Variants in VSIR observed in about 807,000 individuals in gnomAD.
The protein encoded by VSIR is V-set immunoregulatory receptor, also known as V-type immunoglobulin domain-containing suppressor of T-cell activation.
Under a neutral mutation model 31.0 loss-of-function variants are expected in VSIR, and 10 were observed. The observed-to-expected ratio is 0.32, with a 90% CI of 0.20 to 0.55. The LOEUF (loss-of-function observed/expected upper bound fraction) is 0.55. VSIR is among the 20% of genes least tolerant of loss of function. The probability of loss-of-function intolerance (pLI) is 0.93; values close to 1 mark genes in which losing one functional copy is unlikely to be tolerated. For missense variants in VSIR, 356 were observed against 416.2 expected (o/e 0.86, Z 1.26); for synonymous variants, 179 against 180.1 (o/e 0.99, Z 0.05).
At chr10:71,766,036 G>A (rs1840535066) in intron 1 of VSIR, among the ~76,000 whole-genome samples, 1 of 152,216 alleles carries the variant, frequency 6.6e-6, no homozygotes, top group African/African-American at 2.4e-5. Flanking sequence ...GGGGAGAGGG[G>A]CAGCGCACAG....
chr10:71,755,762 G>A (rs1347656598), intron 3 of VSIR, among the ~76,000 whole-genome samples: 1 of 152,150 alleles, frequency 6.6e-6, no homozygotes, highest in African/African-American at 2.4e-5. Context: ...AGCCCACAAG[G>A]TACAGCTGGA....
chr10:71,750,845 C>T lies in VSIR; in HGVS notation c.*408G>A, dbSNP rs118014822. 14 of 168,396 alleles carry T rather than the reference C, an allele frequency of 8.3e-5. No homozygotes were observed. The highest frequency in any genetic ancestry group is 3.2e-4 in the East Asian group (2 of 6,226). The allele number at this position is 168,396 out of a possible 1,614,324, so 10.4% of individuals were successfully genotyped here. On this transcript the variant is annotated 3_prime_UTR_variant, in exon 7 of 7. Coordinates refer to ENST00000394957, the MANE Select transcript of VSIR (RefSeq NM_022153.2). ...GGCCACGGGGGAGAAGTCTCTCCAC[C>T]GTGCCCTGTGTCTGGTGCCTGGGAG...
In VSIR at chr10:71,751,259, G is replaced by A. The variant is rs140623686; in HGVS notation, c.930C>T (p.Val310=). The A allele has an allele frequency of 1.2e-4, 188 of 1,609,646 alleles. 1 individual carries two copies. Among genetic ancestry groups the A allele is most frequent in the Non-Finnish European group, 1.6e-4 (186 of 1,177,714 alleles). The change falls in exon 7 of 7, where the codon GTC becomes GTT. Residue 310 remains valine, a synonymous_variant. Coordinates refer to ENST00000394957, the MANE Select transcript of VSIR (RefSeq NM_022153.2). The surrounding 1 kb of genome is among the most constrained non-coding windows in gnomAD (Gnocchi z 4.9). ...CCACTGTCCCCCAGCTGGGCTAGATGACCTCAAAGTTTGGAGAGTCAGGGA... is the reference window on the plus strand; with the variant it reads ...CCACTGTCCCCCAGCTGGGCTAGATAACCTCAAAGTTTGGAGAGTCAGGGA... ...DPVPDSPNFE[V]I is the part of the protein sequence containing the mutation.
At chr10:71,759,377 C>T (rs891819899) in intron 3 of VSIR, among the ~76,000 whole-genome samples, 2 of 151,958 alleles carry the variant, frequency 1.3e-5, no homozygotes, top group African/African-American at 2.4e-5. Context: ...CATGGTGATG[C>T]GTGCCTGTAG....
intron 3 of VSIR, among the ~76,000 whole-genome samples, chr10:71,759,994 C>CAT (rs1304181298): frequency 1.3e-5 from 1 of 75,758 alleles, no homozygotes; most frequent in Admixed American, 1.4e-4. Flanking sequence ...TATATACACA[C>CAT]ACACATACAT....
intron 1 of VSIR, among the ~76,000 whole-genome samples, chr10:71,762,589 AC>A (rs1286354917): frequency 2.0e-5 from 3 of 152,236 alleles, no homozygotes; most frequent in Admixed American, 2.0e-4. Flanking sequence ...CGACAGCAGA[AC>A]CCCATGGCAA....
intron 1 of VSIR, among the ~76,000 whole-genome samples, chr10:71,766,307 G>T (rs2132900347): frequency 6.6e-6 from 1 of 152,298 alleles, no homozygotes; most frequent in East Asian, 1.9e-4. Context: ...CTGAGCATGT[G>T]CCAGGCGGGA....
At chr10:71,767,956 G>A (rs898355760) in intron 1 of VSIR, among the ~76,000 whole-genome samples, 4 of 152,178 alleles carry the variant, frequency 2.6e-5, no homozygotes, top group East Asian at 3.9e-4. Flanking sequence ...GTCCCGGCCC[G>A]TGGATGCTTC....
chr10:71,751,793 T>C lies in VSIR; in HGVS notation c.773A>G (p.Lys258Arg). Reference protein sequence around the residue: ...SPPAQGIPEAKVRHPLSYVAQ... With the variant: ...SPPAQGIPEARVRHPLSYVAQ... ...CACATAGGACAGGGGGTGCCTGACT[T>C]TGGCCTCGGGTATCCCCTGGGCAGG... The change falls in exon 6 of 7, where the codon AAA becomes AGA. Residue 258 changes from lysine (K) to arginine (R), a missense_variant. Transcript: ENST00000394957. The surrounding 1 kb of genome is among the most constrained non-coding windows in gnomAD (Gnocchi z 4.9). 6.3e-7 allele frequency: 1 copy of C among 1,598,382 alleles called. No homozygotes were observed. Among genetic ancestry groups the C allele is most frequent in the African/African-American group, 1.3e-5 (1 of 74,308 alleles).
chr10:71,755,699 T>G (rs1840124346), intron 3 of VSIR, among the ~76,000 whole-genome samples: 2 of 152,058 alleles, frequency 1.3e-5, no homozygotes, highest in South Asian at 4.1e-4. Context: ...ACAAGACCTG[T>G]CACCTACAGC....
In VSIR at chr10:71,751,098, G is replaced by T; in HGVS notation, c.*155C>A. 1.1e-6 allele frequency: 1 copy of T among 898,850 alleles called. No individual in the cohort carries two copies. The highest frequency in any genetic ancestry group is 1.7e-6 in the Non-Finnish European group (1 of 597,110). The allele number at this position is 898,850 out of a possible 1,614,324, so 55.7% of individuals were successfully genotyped here. On this transcript the variant is annotated 3_prime_UTR_variant, in exon 7 of 7. Transcript: ENST00000394957. The surrounding 1 kb of genome is among the most constrained non-coding windows in gnomAD (Gnocchi z 4.9). ...TCCCCATGTAGCATCCAGAGGGGTT[G>T]AGGGGCTGGGCTTCTGGGATGTCAC...
At chr10:71,755,117 G>A (rs1198286105) in intron 4 of VSIR, 1 of 649,574 alleles carries the variant, frequency 1.5e-6, no homozygotes, top group African/African-American at 1.8e-5. Context: ...CATGTATTGA[G>A]TGCCGAGCCA....
chr10:71,770,278 T>G (rs958018972), intron 1 of VSIR, among the ~76,000 whole-genome samples: 1 of 152,212 alleles, frequency 6.6e-6, no homozygotes, highest in African/African-American at 2.4e-5. Context: ...ACAGTTGCCC[T>G]CCAAGGGAGG....
At chr10:71,762,993 G>A (rs1300412281) in intron 1 of VSIR, among the ~76,000 whole-genome samples, 3 of 152,140 alleles carry the variant, frequency 2.0e-5, no homozygotes, top group East Asian at 1.9e-4. Context: ...TAGAGGCCGC[G>A]TTTCTATCTA....
At chr10:71,761,242 A>G (rs952408709) in intron 2 of VSIR, among the ~76,000 whole-genome samples, 6 of 152,190 alleles carry the variant, frequency 3.9e-5, no homozygotes, top group African/African-American at 1.4e-4. Context: ...CCATTCAGCC[A>G]TCCACTGAGT....
chr10:71,755,400 AGGATGAGGG>A lies in VSIR; in HGVS notation c.626_634del (p.Pro209_Ile211del). On this transcript the variant is annotated inframe_deletion, in exon 4 of 7. Coordinates refer to ENST00000394957, the MANE Select transcript of VSIR (RefSeq NM_022153.2). ...CTGCCTTTGCTTGTAGACCAGGAGC[AGGATGAGGG>A]GGAGGCAGAGGATTCCTACGATGCA... 1 of 1,613,522 alleles carries A rather than the reference AGGATGAGGG, an allele frequency of 6.2e-7. No homozygotes were observed. The highest frequency in any genetic ancestry group is 8.5e-7 in the Non-Finnish European group (1 of 1,179,884).
intron 4 of VSIR, chr10:71,753,885 G>A (rs368795975): frequency 1.5e-5 from 7 of 456,282 alleles, no homozygotes; most frequent in East Asian, 6.9e-5. Flanking sequence ...GTCAGGCTTC[G>A]TGCAGGTGCA....
chr10:71,764,189 T>C (rs1030098869), intron 1 of VSIR, among the ~76,000 whole-genome samples: 1 of 152,152 alleles, frequency 6.6e-6, no homozygotes, highest in Non-Finnish European at 1.5e-5. Context: ...TAACGCAGGA[T>C]CTAGGCAGAA....
intron 1 of VSIR, among the ~76,000 whole-genome samples, chr10:71,765,492 G>T (rs939507203): frequency 6.6e-5 from 10 of 152,184 alleles, no homozygotes; most frequent in Non-Finnish European, 1.2e-4. Flanking sequence ...TTGTTGGCCT[G>T]AGTGTCCCTG....
Sources: allele counts gnomAD v4.1 joint callset (sites outside exome capture counted in the v4.1 genomes callset), GRCh38; gene constraint gnomAD v4.1.1; non-coding constraint Gnocchi (gnomAD v3.1); transcripts MANE v1.5; gene names NCBI Gene and HGNC (gene_info 2026-07-23, HGNC 2026-07-21).